ACAD9: variants seen among roughly 807,000 people sequenced by gnomAD.
ACAD9 encodes the protein complex I assembly factor ACAD9, mitochondrial.
Under a neutral mutation model 70.2 loss-of-function variants are expected in ACAD9, and 53 were observed. The observed-to-expected ratio is 0.75, with a 90% CI of 0.61 to 0.95. The LOEUF is 0.95. Ranked by LOEUF, ACAD9 falls within the 40% of genes least tolerant of loss-of-function variation. The pLI is 0.00. For synonymous variants in ACAD9, 313 were observed against 312.1 expected (o/e 1.00, Z -0.03); for missense variants, 777 against 802.8 (o/e 0.97, Z 0.39).
At chr3:128,896,143 A>G (rs920221578) in intron 4 of ACAD9, among the ~76,000 whole-genome samples, 17 of 152,192 alleles carry the variant, frequency 1.1e-4, no homozygotes, top group Non-Finnish European at 2.5e-4. Flanking sequence ...TTGGAAAGGG[A>G]TATCCTTTGC....
At chr3:128,881,720 G>A (rs1935099676) in intron 1 of ACAD9, among the ~76,000 whole-genome samples, 1 of 152,136 alleles carries the variant, frequency 6.6e-6, no homozygotes, top group South Asian at 2.1e-4. Flanking sequence ...CCACCCTGTT[G>A]ACGCACTTTC....
chr3:128,889,804 A>G (rs1024900258), intron 2 of ACAD9, among the ~76,000 whole-genome samples: 11 of 152,186 alleles, frequency 7.2e-5, no homozygotes, highest in Admixed American at 5.9e-4. Flanking sequence ...AAAAGTTGCC[A>G]TAAACATTCC....
At position 128,912,619 on chromosome 3, in the gene ACAD9, G is replaced by C. The variant is rs754971675; in HGVS notation, c.*12G>C. On this transcript the variant is annotated 3_prime_UTR_variant, in exon 18 of 18. Coordinates refer to ENST00000308982, the MANE Select transcript of ACAD9 (RefSeq NM_014049.5). ...ACAGGACATGCTGAGGCAGGGGACA[G>C]TGTCCCCTGCTACCGCCCGCCCCTA... 7.5e-6 allele frequency: 12 copies of C among 1,600,696 alleles called. No homozygotes were observed. Among genetic ancestry groups the C allele is most frequent in the Middle Eastern group, 1.6e-4 (1 of 6,062 alleles).
intron 8 of ACAD9, 130 bp downstream of exon 8, chr3:128,901,479 G>C: frequency 9.2e-7 from 1 of 1,083,872 alleles, no homozygotes; most frequent in Non-Finnish European, 1.4e-6. Flanking sequence ...ATGGTTATCT[G>C]TTGGGAAATT....
chr3:128,893,454 C>A, intron 2 of ACAD9, 101 bp from the exon 3 acceptor site: 1 of 970,502 alleles, frequency 1.0e-6, no homozygotes, highest in Non-Finnish European at 1.6e-6. Context: ...AAAGTTTCTA[C>A]TCTGGGATTA....
Position 128,908,767 on chromosome 3 carries a change from T to C in ACAD9, c.1359-206T>C, listed in dbSNP as rs1576348979. On this transcript the variant is annotated intron_variant, in intron 13 of 17. Transcript: ENST00000308982. The stretch of plus-strand genomic sequence containing the variant: ...AAGCTGGCTGTGACTCCACCCCTCA[T>C]GGGGGAGCATATGTGTGGCTCCCCT... The C allele has an allele frequency of 1.6e-5, 11 of 704,302 alleles. No individual in the cohort carries two copies. The East Asian group carries it at 2.8e-4, about 18-fold the overall frequency. The allele number at this position is 704,302 out of a possible 1,614,324, so 43.6% of individuals were successfully genotyped here. A position where few individuals can be genotyped will look rare whatever the true frequency, so the allele number is the denominator to read the frequency against.
In ACAD9 at chr3:128,909,044, G is replaced by A. The variant is rs4494951; in HGVS notation, c.1430G>A (p.Arg477Gln). 25,577 of 1,614,136 alleles carry A rather than the reference G, an allele frequency of 0.016. 288 individuals are homozygous for A. Among genetic ancestry groups the A allele is most frequent in the Non-Finnish European group, 0.018 (21,023 of 1,180,030 alleles). ...VGRRLRDSLG[R>Q]TVDLGLTGNH... is the part of the protein sequence containing the mutation. ...CGGAGGCTTCGGGACTCCCTGGGCC[G>A]AACTGTGGACCTGGGGCTGACAGGC... The change falls in exon 14 of 18, where the codon CGA (arginine) becomes CAA (glutamine). Residue 477 changes from arginine to glutamine, a missense_variant. Transcript: ENST00000308982.
rs62268194 is a variant in ACAD9, at chr3:128,902,895, T to C, written c.958+267T>C. Among the ~76,000 whole-genome samples, 7,249 of 151,998 alleles carry C rather than the reference T, an allele frequency of 0.048. 353 individuals are homozygous for C. The highest frequency in any genetic ancestry group is 0.12 in the African/African-American group (4,849 of 41,452). Reference sequence around the variant, plus strand: ...TTTCTGTCTGGGGTGGGGATGGGGATTGGGGAATGGGCTGTCTGTCTGGAG... The same window carrying C: ...TTTCTGTCTGGGGTGGGGATGGGGACTGGGGAATGGGCTGTCTGTCTGGAG... On this transcript the variant is annotated intron_variant, in intron 9 of 17. Coordinates refer to ENST00000308982, the MANE Select transcript of ACAD9 (RefSeq NM_014049.5). The surrounding 1 kb of genome is among the most constrained non-coding windows in gnomAD (Gnocchi z 4.0).
chr3:128,911,182 G>A (rs1029867337), intron 17 of ACAD9, among the ~76,000 whole-genome samples: 1 of 152,088 alleles, frequency 6.6e-6, no homozygotes, highest in Non-Finnish European at 1.5e-5. Flanking sequence ...CCAGCCTCCC[G>A]AGTAGCTGGG....
rs556886934 is a variant in ACAD9, at chr3:128,902,404, A to T, written c.883-149A>T. On this transcript the variant is annotated intron_variant, in intron 8 of 17. Coordinates refer to ENST00000308982, the MANE Select transcript of ACAD9 (RefSeq NM_014049.5). The surrounding 1 kb of genome is among the most constrained non-coding windows in gnomAD (Gnocchi z 4.0). ...GTGGGGATGTTGGTAGAGCTGCAAC[A>T]GTGACTGAACCACCTTGTTCTGAGG... 37 of 741,402 alleles carry T rather than the reference A, an allele frequency of 5.0e-5. No individual in the cohort carries two copies. The highest frequency in any genetic ancestry group is 8.7e-5 in the Non-Finnish European group (36 of 413,358). 45.9% of individuals were successfully genotyped at this position (741,402 alleles called of 1,614,324 possible).
chr3:128,887,992 A>G (rs1172507266), intron 2 of ACAD9, among the ~76,000 whole-genome samples: 3 of 152,222 alleles, frequency 2.0e-5, no homozygotes, highest in African/African-American at 7.2e-5. Context: ...GGCCTCTATG[A>G]AAACCAACCA....
chr3:128,906,609 C>T (rs1045244541), intron 12 of ACAD9, among the ~76,000 whole-genome samples: 1 of 152,176 alleles, frequency 6.6e-6, no homozygotes. Context: ...AGCATGCGCT[C>T]CTGGCCCCTA....
intron 3 of ACAD9, among the ~76,000 whole-genome samples, chr3:128,894,405 A>T (rs544662799): frequency 6.6e-6 from 1 of 152,272 alleles, no homozygotes; most frequent in East Asian, 1.9e-4. Context: ...CTACATGTTA[A>T]TTGATTCGAT....
rs1447947184 is a variant in ACAD9 at position 128,906,121 on chromosome 3, G to A, written c.1150G>A (p.Val384Met). The A allele has an allele frequency of 1.5e-5, 24 of 1,614,174 alleles. No individual in the cohort carries two copies. Among genetic ancestry groups the A allele is most frequent in the East Asian group, 2.2e-5 (1 of 44,886 alleles). Residue 384 changes from valine (V) to methionine (M), a missense_variant and splice_region_variant, in exon 12 of 18, where the codon GTG becomes ATG. By Grantham distance (21) the Val-to-Met change is conservative. Coordinates refer to ENST00000308982, the MANE Select transcript of ACAD9 (RefSeq NM_014049.5). ...DCSIEAAMVK[V>M]FSSEAAWQCV... is the part of the protein sequence containing the mutation. ...AAGGATTCAGTGTGACACCCCACAG[G>A]TGTTCAGCTCCGAGGCCGCCTGGCA...
intron 2 of ACAD9, among the ~76,000 whole-genome samples, chr3:128,886,866 A>T (rs1205808420): frequency 6.6e-6 from 1 of 151,864 alleles, no homozygotes; most frequent in African/African-American, 2.4e-5. Flanking sequence ...ACCTCTGGAA[A>T]AGTCCACTGT....
At chr3:128,886,484 G>A (rs1251877195) in intron 2 of ACAD9, among the ~76,000 whole-genome samples, 1 of 151,932 alleles carries the variant, frequency 6.6e-6, no homozygotes, top group Non-Finnish European at 1.5e-5. Flanking sequence ...TGAGGTGGGT[G>A]GATCACCTGA....
At chr3:128,883,221 C>T (rs1399531151) in intron 1 of ACAD9, among the ~76,000 whole-genome samples, 3 of 152,038 alleles carry the variant, frequency 2.0e-5, no homozygotes, top group African/African-American at 4.8e-5. Context: ...TCCTGAGTAG[C>T]TGGAACTACA....
chr3:128,880,537 C>T lies in ACAD9; in HGVS notation c.150+696C>T, dbSNP rs529258907. Among the ~76,000 whole-genome samples the T allele has an allele frequency of 2.2e-5, 3 of 139,142 alleles. No individual in the cohort carries two copies. In the East Asian group the frequency reaches 6.5e-4, roughly 30 times the overall value. 91.3% of individuals were successfully genotyped at this position (139,142 alleles called of 152,430 possible). A position where few individuals can be genotyped will look rare whatever the true frequency, so the allele number is the denominator to read the frequency against. ...CCTCCGGAGTAGCTGGGATTACAGG[C>T]GCCTGCCCGGCTTTTTTTTTTTTTG... On this transcript the variant is annotated intron_variant, in intron 1 of 17. Transcript: ENST00000308982.
Position 128,910,101 on chromosome 3 carries a change from G to T in ACAD9, c.1644G>T (p.Ser548=), listed in dbSNP as rs771433168. The T allele has an allele frequency of 8.3e-5, 134 of 1,613,578 alleles. No individual in the cohort carries two copies. The highest frequency in any genetic ancestry group is 1.1e-4 in the Non-Finnish European group (125 of 1,180,010). ...TGTATGGCATGACGGCCGTGCTGTC[G>T]CGGGCCAGCCGCTCCATCCGCATTG... ...INLYGMTAVL[S]RASRSIRIGL... The change falls in exon 16 of 18, where the codon TCG becomes TCT. Residue 548 remains serine (S), a synonymous_variant. Transcript: ENST00000308982.
Sources: gnomAD v4.1 joint callset for allele counts (sites outside exome capture counted in the v4.1 genomes callset) on GRCh38, gnomAD v4.1.1 for gene constraint, Gnocchi (gnomAD v3.1) non-coding constraint, MANE v1.5 for transcripts, NCBI Gene and HGNC (gene_info 2026-07-23, HGNC 2026-07-21) for gene names.